Variants in EXT1 observed in about 807,000 individuals in gnomAD.
EXT1 encodes exostosin-1.
In EXT1, 20 loss-of-function variants were observed where a neutral mutation model predicts 82.5. The observed-to-expected ratio is 0.24, with a 90% CI of 0.17 to 0.35. EXT1 has a LOEUF of 0.35. Among genes scored for constraint, EXT1 ranks in the 10% least tolerant of loss-of-function variants. The pLI is 1.00. For missense variants in EXT1, 757 were observed against 936.5 expected (o/e 0.81, Z 2.50); for synonymous variants, 348 against 350.8 (o/e 0.99, Z 0.09).
intron 1 of EXT1, among the ~76,000 whole-genome samples, chr8:117,875,684 T>G (rs539564573): frequency 6.6e-6 from 1 of 151,960 alleles, no homozygotes; most frequent in African/African-American, 2.4e-5. Flanking sequence ...TAAGCAAAAA[T>G]TATCCGTTGC....
At chr8:117,856,292 T>C (rs1396677093) in intron 1 of EXT1, among the ~76,000 whole-genome samples, 1 of 150,892 alleles carries the variant, frequency 6.6e-6, no homozygotes, top group African/African-American at 2.4e-5. Context: ...TCTCGCTCTG[T>C]TGCCCAGGCT....
intron 1 of EXT1, among the ~76,000 whole-genome samples, chr8:117,869,916 T>G (rs906686240): frequency 6.6e-6 from 1 of 152,160 alleles, no homozygotes; most frequent in Non-Finnish European, 1.5e-5. Flanking sequence ...AATAGTCCTT[T>G]GGATCATGAA....
rs563853908 is a variant in EXT1, at chr8:117,968,012, A to C, written c.963-130811T>G. Among the ~76,000 whole-genome samples the C allele has an allele frequency of 3.3e-5, 5 of 152,394 alleles. No individual in the cohort carries two copies. In the East Asian group the frequency reaches 5.8e-4, roughly 18 times the overall value. The stretch of plus-strand genomic sequence containing the variant: ...TGGGTAGCCATGCAAGATGATAGAC[A>C]TGTTAACTTGCTTCACTATCAACCA... On this transcript the variant is annotated intron_variant, in intron 1 of 10. Coordinates refer to ENST00000378204, the MANE Select transcript of EXT1 (RefSeq NM_000127.3).
chr8:117,942,753 A>G (rs1814312939), intron 1 of EXT1, among the ~76,000 whole-genome samples: 1 of 152,204 alleles, frequency 6.6e-6, no homozygotes, highest in Admixed American at 6.5e-5. Context: ...ATACTCAAAT[A>G]TCCAACAAGT....
At chr8:118,039,975 G>A (rs950357378) in intron 1 of EXT1, among the ~76,000 whole-genome samples, 4 of 152,078 alleles carry the variant, frequency 2.6e-5, no homozygotes, top group African/African-American at 7.2e-5. Flanking sequence ...CTGTGAAAGC[G>A]TAACAACCCA....
chr8:117,988,727 G>A (rs1045553159), intron 1 of EXT1, among the ~76,000 whole-genome samples: 19 of 151,652 alleles, frequency 1.3e-4, no homozygotes, highest in African/African-American at 3.9e-4. Context: ...ACTCCAATGC[G>A]AAGAAGGGGA....
intron 1 of EXT1, among the ~76,000 whole-genome samples, chr8:118,006,438 T>C (rs1397270816): frequency 1.3e-5 from 2 of 152,212 alleles, no homozygotes; most frequent in African/African-American, 2.4e-5. Flanking sequence ...CTCTGCCCTT[T>C]TAGAACGTAA....
intron 1 of EXT1, among the ~76,000 whole-genome samples, chr8:117,951,419 G>A (rs1814489222): frequency 6.6e-6 from 1 of 152,164 alleles, no homozygotes; most frequent in Non-Finnish European, 1.5e-5. Context: ...TTCATATTTT[G>A]TAATTCAGTA....
chr8:117,857,953 G>C (rs1812594620), intron 1 of EXT1, among the ~76,000 whole-genome samples: 1 of 152,202 alleles, frequency 6.6e-6, no homozygotes, highest in African/African-American at 2.4e-5. Flanking sequence ...ACTTTGTGGA[G>C]TTCAAGACTT....
chr8:117,995,308 G>A (rs2129796894), intron 1 of EXT1, among the ~76,000 whole-genome samples: 1 of 152,266 alleles, frequency 6.6e-6, no homozygotes, highest in East Asian at 1.9e-4. Context: ...TCCTCTCTGA[G>A]AGCCAGATCT....
In EXT1 at chr8:117,986,476, C is replaced by T. The variant is rs1173993130; in HGVS notation, c.962+123609G>A. On this transcript the variant is annotated intron_variant, in intron 1 of 10. Transcript: ENST00000378204. ...GCTCCCAAAGTGCTGGGATTACAGG[C>T]GTGAGCCACCGCACCTGGAATTTTA... Among the ~76,000 whole-genome samples, 4 of 152,116 alleles carry T rather than the reference C, an allele frequency of 2.6e-5. No individual in the cohort carries two copies. In the South Asian group the frequency reaches 6.2e-4, roughly 24 times the overall value.
At chr8:117,948,781 G>A (rs1319139331) in intron 1 of EXT1, among the ~76,000 whole-genome samples, 1 of 152,178 alleles carries the variant, frequency 6.6e-6, no homozygotes, top group Non-Finnish European at 1.5e-5. Flanking sequence ...CTAGTAATTT[G>A]TCTTGGTCTT....
chr8:117,923,054 GT>G (rs1813886505), intron 1 of EXT1, among the ~76,000 whole-genome samples: 1 of 152,042 alleles, frequency 6.6e-6, no homozygotes, highest in Non-Finnish European at 1.5e-5. Context: ...GCCAGGCACG[GT>G]GGCTTGTGCC....
chr8:117,799,542 A>G lies in EXT1; in HGVS notation c.*170T>C. The G allele has an allele frequency of 1.4e-6, 1 of 697,488 alleles. No homozygotes were observed. The allele number at this position is 697,488 out of a possible 1,614,324, so 43.2% of individuals were successfully genotyped here. ...TGGAGCAGTCTGGTGCAGTCCCAGGAGCCAGGAGTTGAGTTCTCATTGGCC... is the reference window on the plus strand; with the variant it reads ...TGGAGCAGTCTGGTGCAGTCCCAGGGGCCAGGAGTTGAGTTCTCATTGGCC... On this transcript the variant is annotated 3_prime_UTR_variant, in exon 11 of 11. Coordinates refer to ENST00000378204, the MANE Select transcript of EXT1 (RefSeq NM_000127.3).
chr8:118,039,495 G>A (rs1309289061), intron 1 of EXT1, among the ~76,000 whole-genome samples: 2 of 150,254 alleles, frequency 1.3e-5, no homozygotes, highest in Non-Finnish European at 2.9e-5. Context: ...GGGAGGCGGA[G>A]GCTGCAGTGA....
chr8:118,105,108 C>A (rs1297954920), intron 1 of EXT1, among the ~76,000 whole-genome samples: 1 of 152,188 alleles, frequency 6.6e-6, no homozygotes, highest in Non-Finnish European at 1.5e-5. Flanking sequence ...TGAGAAGACA[C>A]CTTCAAGATG....
intron 1 of EXT1, among the ~76,000 whole-genome samples, chr8:117,856,514 C>T (rs1280499427): frequency 2.0e-5 from 3 of 150,756 alleles, no homozygotes; most frequent in Admixed American, 6.6e-5. Context: ...GATCCGCCCA[C>T]CTCGGCCGCC....
intron 1 of EXT1, among the ~76,000 whole-genome samples, chr8:117,837,975 A>G (rs1168401934): frequency 6.6e-6 from 1 of 152,238 alleles, no homozygotes; most frequent in African/African-American, 2.4e-5. Flanking sequence ...TCGAAAAAAC[A>G]TACAAAATAT....
rs1587001397 is a variant in EXT1, at chr8:117,830,223, C to T, written c.1284+7G>A. 1 of 1,613,908 alleles carries T rather than the reference C, an allele frequency of 6.2e-7. No individual in the cohort carries two copies. Among genetic ancestry groups the T allele is most frequent in the East Asian group, 2.2e-5 (1 of 44,842 alleles). On this transcript the variant is annotated splice_region_variant and intron_variant, in intron 4 of 10. Transcript: ENST00000378204. The stretch of plus-strand genomic sequence containing the variant: ...TTCAAGCCCAAGAGCCAAGTGGTCT[C>T]ACTTACCTCTAGTGTAGTTAATACA...
Sources: allele counts gnomAD v4.1 joint callset (sites outside exome capture counted in the v4.1 genomes callset), GRCh38; gene constraint gnomAD v4.1.1; transcripts MANE v1.5; gene names NCBI Gene and HGNC (gene_info 2026-07-23, HGNC 2026-07-21).